The following KDM4C variants were observed in gnomAD, a reference collection of about 807,000 sequenced individuals.
KDM4C encodes the protein lysine-specific demethylase 4C.
In KDM4C, 81 loss-of-function variants were observed where a neutral mutation model predicts 129.3. The ratio of observed to expected loss-of-function variants is 0.63; its 90% confidence interval spans 0.52 to 0.75. KDM4C has a LOEUF of 0.75. KDM4C is among the 30% of genes least tolerant of loss of function. The pLI, the probability that KDM4C is intolerant of heterozygous loss-of-function variation, is 0.00. For missense variants in KDM4C, 1,457 were observed against 1,304.0 expected (o/e 1.12, Z -1.81); for synonymous variants, 573 against 456.1 (o/e 1.26, Z -3.26).
chr9:6,913,406 T>C lies in KDM4C; in HGVS notation c.921+20174T>C, dbSNP rs962820457. Among the ~76,000 whole-genome samples, 8 of 152,360 alleles carry C rather than the reference T, an allele frequency of 5.3e-5. No individual in the cohort carries two copies. The East Asian group carries it at 1.5e-3, about 29-fold the overall frequency. ...GCAACATTTAAAGAATCTAATGCACTGTCTTAGGCTCTAGTTTGCAAAATG... is the reference window on the plus strand; with the variant it reads ...GCAACATTTAAAGAATCTAATGCACCGTCTTAGGCTCTAGTTTGCAAAATG... On this transcript the variant is annotated intron_variant, in intron 8 of 21. Coordinates refer to ENST00000381309, the MANE Select transcript of KDM4C (RefSeq NM_015061.6).
intron 17 of KDM4C, among the ~76,000 whole-genome samples, chr9:7,082,756 T>G (rs565978743): frequency 1.2e-4 from 19 of 152,216 alleles, no homozygotes; most frequent in African/African-American, 4.3e-4. Context: ...GAATAAACAA[T>G]GAAGCAGACA....
At chr9:6,784,368 A>G (rs1825019756) in intron 1 of KDM4C, among the ~76,000 whole-genome samples, 1 of 152,164 alleles carries the variant, frequency 6.6e-6, no homozygotes, top group African/African-American at 2.4e-5. Context: ...AGCTGGGACT[A>G]CGGGTACATG....
At chr9:6,766,361 A>T (rs1156698303) in intron 1 of KDM4C, among the ~76,000 whole-genome samples, 1 of 152,098 alleles carries the variant, frequency 6.6e-6, no homozygotes, top group African/African-American at 2.4e-5. Flanking sequence ...TGATAATCGT[A>T]CAAAAAGCTA....
chr9:6,968,936 T>TTG (rs750943367), intron 8 of KDM4C, among the ~76,000 whole-genome samples: 15 of 151,978 alleles, frequency 9.9e-5, no homozygotes, highest in Admixed American at 2.0e-4. Context: ...GTTGGGTTAA[T>TTG]TGTGTGTGTG....
At chr9:6,782,077 G>A (rs771520617) in intron 1 of KDM4C, among the ~76,000 whole-genome samples, 1 of 152,088 alleles carries the variant, frequency 6.6e-6, no homozygotes, top group East Asian at 1.9e-4. Flanking sequence ...TGTCCACCTC[G>A]GTCTCCCAAG....
chr9:7,077,338 C>G (rs1034585190), intron 17 of KDM4C: 11 of 510,354 alleles, frequency 2.2e-5, no homozygotes, highest in Non-Finnish European at 2.8e-5. Context: ...CTATGCCCCT[C>G]CCCTCAACTA....
intron 8 of KDM4C, among the ~76,000 whole-genome samples, chr9:6,912,837 T>C (rs1411301441): frequency 6.6e-6 from 1 of 152,082 alleles, no homozygotes; most frequent in Non-Finnish European, 1.5e-5. Context: ...TTTTTAATCC[T>C]TTTTTTAACT....
chr9:6,996,687 G>C lies in KDM4C; in HGVS notation c.1786+6163G>C, dbSNP rs533647634. Among the ~76,000 whole-genome samples the C allele has an allele frequency of 2.6e-5, 4 of 152,214 alleles. No homozygotes were observed. In the East Asian group the frequency reaches 5.8e-4, roughly 22 times the overall value. ...TCCTCTGCTCAGCGATTCCCACCAT[G>C]TGCTAGTGGTGAGTATAGCTAACAT... On this transcript the variant is annotated intron_variant, in intron 12 of 21. Coordinates refer to ENST00000381309, the MANE Select transcript of KDM4C (RefSeq NM_015061.6).
chr9:6,911,159 T>G (rs552468798), intron 8 of KDM4C, among the ~76,000 whole-genome samples: 60 of 152,344 alleles, frequency 3.9e-4, no homozygotes, highest in Admixed American at 5.9e-4. Context: ...TTAAATTACT[T>G]AATTTACTTA....
chr9:7,016,336 C>A (rs1483275980), intron 15 of KDM4C, among the ~76,000 whole-genome samples: 2 of 151,024 alleles, frequency 1.3e-5, no homozygotes, highest in East Asian at 3.9e-4. Flanking sequence ...AACGTGTTAA[C>A]CAGGATGGTC....
intron 6 of KDM4C, among the ~76,000 whole-genome samples, chr9:6,886,993 C>T (rs534064576): frequency 6.6e-6 from 1 of 152,332 alleles, no homozygotes; most frequent in African/African-American, 2.4e-5. Context: ...CAGTTTCCCC[C>T]CTCATTCTGG....
chr9:6,893,342 T>G (rs1250524422), intron 8 of KDM4C, 110 bp downstream of exon 8: 8 of 780,136 alleles, frequency 1.0e-5, no homozygotes, highest in South Asian at 2.3e-5. Flanking sequence ...ACTGGCGCCA[T>G]GTGCCTCTCA....
At chr9:7,125,571 C>T (rs1013850917) in intron 18 of KDM4C, among the ~76,000 whole-genome samples, 1 of 152,182 alleles carries the variant, frequency 6.6e-6, no homozygotes, top group Non-Finnish European at 1.5e-5. Context: ...AAAAGATAAG[C>T]ATAACACTCT....
At chr9:6,955,559 C>T (rs985767560) in intron 8 of KDM4C, among the ~76,000 whole-genome samples, 5 of 152,118 alleles carry the variant, frequency 3.3e-5, no homozygotes, top group Admixed American at 6.5e-5. Context: ...GAATCTGTGC[C>T]GCAGCTTTAT....
intron 1 of KDM4C, among the ~76,000 whole-genome samples, chr9:6,747,711 C>T (rs1021774645): frequency 3.3e-5 from 5 of 152,138 alleles, no homozygotes; most frequent in African/African-American, 1.2e-4. Context: ...GTTTCTGGAA[C>T]AAATTTTGAG....
chr9:6,976,812 T>A (rs1832998690), intron 8 of KDM4C, among the ~76,000 whole-genome samples: 1 of 22,998 alleles, frequency 4.3e-5, no homozygotes, highest in Non-Finnish European at 9.1e-5. Context: ...ATAAATATGT[T>A]GTTTGATTTT....
At chr9:6,728,293 T>C (rs1817209252) in intron 1 of KDM4C, among the ~76,000 whole-genome samples, 1 of 152,154 alleles carries the variant, frequency 6.6e-6, no homozygotes. Context: ...CCCAGCACTT[T>C]GGGAGGCCAA....
rs554618888 is a variant in KDM4C, at chr9:6,763,540, G to A, written c.-18+5337G>A. ...AGAGAAAGGTTCCCACAAAAATATT[G>A]ACAGTAGTTAGTAACTTCTGGGTGA... On this transcript the variant is annotated intron_variant, in intron 1 of 21. Coordinates refer to ENST00000381309, the MANE Select transcript of KDM4C (RefSeq NM_015061.6). Among the ~76,000 whole-genome samples the A allele has an allele frequency of 2.0e-5, 3 of 152,188 alleles. No individual in the cohort carries two copies. In the South Asian group the frequency reaches 6.2e-4, roughly 32 times the overall value.
At chr9:6,868,131 C>T (rs549995944) in intron 5 of KDM4C, among the ~76,000 whole-genome samples, 5 of 151,890 alleles carry the variant, frequency 3.3e-5, no homozygotes, top group Non-Finnish European at 5.9e-5. Context: ...CCTGGAGGCA[C>T]CTTGTAGAGC....
Sources: gnomAD v4.1 joint callset for allele counts (sites outside exome capture counted in the v4.1 genomes callset) on GRCh38, gnomAD v4.1.1 for gene constraint, MANE v1.5 for transcripts, NCBI Gene and HGNC (gene_info 2026-07-23, HGNC 2026-07-21) for gene names.